Variants in SLC24A3 observed in about 807,000 individuals in gnomAD.
SLC24A3 encodes solute carrier family 24 member 3, also known as sodium/potassium/calcium exchanger 3.
In SLC24A3, 28 loss-of-function variants were observed where a neutral mutation model predicts 75.8. The ratio of observed to expected loss-of-function variants is 0.37; its 90% confidence interval spans 0.27 to 0.51. The LOEUF (loss-of-function observed/expected upper bound fraction) is 0.51, where lower values mean the gene tolerates loss of function less well. Among genes scored for constraint, SLC24A3 ranks in the 20% least tolerant of loss-of-function variants. The pLI is 0.94. For missense variants in SLC24A3, 663 were observed against 847.8 expected (o/e 0.78, Z 2.71); for synonymous variants, 372 against 334.1 (o/e 1.11, Z -1.24).
In SLC24A3 at chr20:19,721,046, GCCT is replaced by G. The variant is rs2033099883; in HGVS notation, c.1848_1850del (p.Leu617del). On this transcript the variant is annotated inframe_deletion, in exon 17 of 17. Coordinates refer to ENST00000328041, the MANE Select transcript of SLC24A3 (RefSeq NM_020689.4). The stretch of plus-strand genomic sequence containing the variant: ...CTGGACAAGAAGCTGGGCTGTGGGT[GCCT>G]CCTCCTGTATGGTGTGTTCCTGTGC... 1 of 1,614,116 alleles carries G rather than the reference GCCT, an allele frequency of 6.2e-7. No homozygotes were observed. The highest frequency in any genetic ancestry group is 8.5e-7 in the Non-Finnish European group (1 of 1,180,026).
chr20:19,263,811 G>T (rs1224268583), intron 1 of SLC24A3, among the ~76,000 whole-genome samples: 2 of 152,224 alleles, frequency 1.3e-5, no homozygotes, highest in Non-Finnish European at 2.9e-5. Context: ...GAATAAAGTG[G>T]CTTTGTGTTT....
chr20:19,645,158 CTA>C (rs1174273677), intron 6 of SLC24A3, among the ~76,000 whole-genome samples: 2 of 152,142 alleles, frequency 1.3e-5, no homozygotes, highest in African/African-American at 2.4e-5. Context: ...TAATGAATCT[CTA>C]TTTTTCAATG....
At chr20:19,346,370 GGT>G (rs1455529070) in intron 2 of SLC24A3, among the ~76,000 whole-genome samples, 48 of 122,654 alleles carry the variant, frequency 3.9e-4, no homozygotes, top group East Asian at 2.9e-3. Context: ...ATATATATGT[GGT>G]GTATATATAT....
In SLC24A3 at chr20:19,673,087, A is replaced by C. The variant is rs78239092; in HGVS notation, c.714-514A>C. 7.2e-5 allele frequency among the ~76,000 whole-genome samples: 11 copies of C among 152,252 alleles called. No individual in the cohort carries two copies. In the East Asian group the frequency reaches 2.1e-3, roughly 29 times the overall value. On this transcript the variant is annotated intron_variant, in intron 8 of 16. Transcript: ENST00000328041. ...CTTCCTTCCTGTGGAATGTTTTCCCACTTATTCCTTCTTACTCTTCGACTG... is the reference window on the plus strand; with the variant it reads ...CTTCCTTCCTGTGGAATGTTTTCCCCCTTATTCCTTCTTACTCTTCGACTG...
chr20:19,484,672 G>T (rs1179478497), intron 2 of SLC24A3, among the ~76,000 whole-genome samples: 3 of 152,188 alleles, frequency 2.0e-5, no homozygotes, highest in African/African-American at 7.2e-5. Context: ...GAGTAGGATT[G>T]TCAGGGTCCG....
intron 2 of SLC24A3, among the ~76,000 whole-genome samples, chr20:19,321,581 A>G (rs1254144247): frequency 6.6e-6 from 1 of 152,224 alleles, no homozygotes; most frequent in Non-Finnish European, 1.5e-5. Flanking sequence ...CCAGAAATCA[A>G]TACAAATCAT....
At chr20:19,546,182 A>AAAAAAAAAAAAAAAAAAAAAAAAC (rs1283634511) in intron 3 of SLC24A3, among the ~76,000 whole-genome samples, 1 of 140,228 alleles carries the variant, frequency 7.1e-6, no homozygotes. Flanking sequence ...AAAAAAAAAA[A>AAAAAAAAAAAAAAAAAAAAAAAAC]AAAAAACCAG....
chr20:19,688,224 C>A (rs537198831), intron 12 of SLC24A3, among the ~76,000 whole-genome samples: 1 of 152,220 alleles, frequency 6.6e-6, no homozygotes, highest in Non-Finnish European at 1.5e-5. Flanking sequence ...CGGCTGCCCC[C>A]CATCCTGTGA....
At chr20:19,286,953 A>G (rs1258374046) in intron 2 of SLC24A3, among the ~76,000 whole-genome samples, 1 of 152,234 alleles carries the variant, frequency 6.6e-6, no homozygotes, top group East Asian at 1.9e-4. Context: ...TTCTTTCTGA[A>G]GTTGTAATTC....
intron 1 of SLC24A3, among the ~76,000 whole-genome samples, chr20:19,252,640 T>TGGGGGGG (rs1555783947): frequency 1.0e-5 from 1 of 99,520 alleles, no homozygotes; most frequent in Non-Finnish European, 2.0e-5. Flanking sequence ...GAAATTGGAA[T>TGGGGGGG]GGCGGGGGGG....
chr20:19,327,895 G>T (rs1421291771), intron 2 of SLC24A3, among the ~76,000 whole-genome samples: 1 of 152,302 alleles, frequency 6.6e-6, no homozygotes, highest in Admixed American at 6.5e-5. Context: ...TTCCATGCAT[G>T]GAGTTTCCAT....
chr20:19,556,015 C>A (rs765893249), intron 3 of SLC24A3, among the ~76,000 whole-genome samples: 1 of 152,064 alleles, frequency 6.6e-6, no homozygotes. Flanking sequence ...TCTGGTAAGG[C>A]CTTTCTGGTT....
chr20:19,375,655 C>T (rs781426084), intron 2 of SLC24A3, among the ~76,000 whole-genome samples: 4 of 152,206 alleles, frequency 2.6e-5, no homozygotes, highest in East Asian at 1.9e-4. Context: ...AAGTGTGCTG[C>T]GGCCATCTCT....
chr20:19,317,639 G>T (rs1269027812), intron 2 of SLC24A3, among the ~76,000 whole-genome samples: 2 of 152,182 alleles, frequency 1.3e-5, no homozygotes, highest in Non-Finnish European at 2.9e-5. Flanking sequence ...AGGAAGATCT[G>T]TTCCTCCTTT....
chr20:19,249,290 C>A (rs1264692738), intron 1 of SLC24A3, among the ~76,000 whole-genome samples: 1 of 152,170 alleles, frequency 6.6e-6, no homozygotes, highest in Non-Finnish European at 1.5e-5. Context: ...TAAGCCCTGG[C>A]AAGCTTCCGT....
chr20:19,645,313 A>G (rs1488786813), intron 6 of SLC24A3, among the ~76,000 whole-genome samples: 2 of 152,188 alleles, frequency 1.3e-5, no homozygotes, highest in African/African-American at 2.4e-5. Flanking sequence ...CCAGAGCATC[A>G]TGTCAAATGT....
chr20:19,720,165 T>C (rs2033088828), intron 16 of SLC24A3, among the ~76,000 whole-genome samples: 1 of 152,260 alleles, frequency 6.6e-6, no homozygotes. Flanking sequence ...ACAGTACCAC[T>C]GGCTATGGTT....
intron 2 of SLC24A3, among the ~76,000 whole-genome samples, chr20:19,510,693 G>A (rs115217833): frequency 3.0e-4 from 45 of 152,356 alleles, no homozygotes; most frequent in African/African-American, 1.0e-3. Flanking sequence ...ACTCTGATAT[G>A]TAGATACTGT....
At chr20:19,216,565 T>G (rs943068037) in intron 1 of SLC24A3, among the ~76,000 whole-genome samples, 3 of 152,048 alleles carry the variant, frequency 2.0e-5, no homozygotes, top group Non-Finnish European at 4.4e-5. Context: ...GCCATCATTG[T>G]ACCACTGTAC....
Sources: allele counts gnomAD v4.1 joint callset (sites outside exome capture counted in the v4.1 genomes callset), GRCh38; gene constraint gnomAD v4.1.1; transcripts MANE v1.5; gene names NCBI Gene and HGNC (gene_info 2026-07-23, HGNC 2026-07-21).